Variants in ZDHHC21 observed in about 807,000 individuals in gnomAD.
ZDHHC21 encodes zDHHC palmitoyltransferase 21.
ZDHHC21 carries 15 observed loss-of-function variants against 34.6 expected under a neutral mutation model. That is an observed-to-expected ratio of 0.43 (90% CI 0.29 to 0.67). The LOEUF is 0.67. Ranked by LOEUF, ZDHHC21 falls within the 30% of genes least tolerant of loss-of-function variation. ZDHHC21 has a pLI of 0.14. For missense variants in ZDHHC21, 344 were observed against 327.7 expected, an observed-to-expected ratio of 1.05 and a Z score of -0.38; for synonymous variants, 142 against 101.8, an observed-to-expected ratio of 1.40 and a Z score of -2.38.
At position 14,617,464 on chromosome 9, in the gene ZDHHC21, G is replaced by A. The variant is rs1824426712; in HGVS notation, c.*1502C>T. The A allele has an allele frequency of 6.6e-6, 1 of 151,898 alleles. No homozygotes were observed. Among genetic ancestry groups the A allele is most frequent in the Non-Finnish European group, 1.5e-5 (1 of 67,888 alleles). 9.4% of individuals were successfully genotyped at this position (151,898 alleles called of 1,614,324 possible). A position where few individuals can be genotyped will look rare whatever the true frequency, so the allele number is the denominator to read the frequency against. ...ACAGTATAGCCAACTGGCTGACAAT[G>A]GTAACCTTCTGTTTAATTATTTCCC... is the stretch of plus-strand genomic sequence containing the variant. On this transcript the variant is annotated 3_prime_UTR_variant, in exon 10 of 10. Transcript: ENST00000380916.
rs936494929 is a variant in ZDHHC21 at position 14,617,671 on chromosome 9, C to T, written c.*1295G>A. 1 of 151,790 alleles carries T rather than the reference C, an allele frequency of 6.6e-6. No individual in the cohort carries two copies. Among genetic ancestry groups the T allele is most frequent in the African/African-American group, 2.4e-5 (1 of 41,380 alleles). 9.4% of individuals were successfully genotyped at this position (151,790 alleles called of 1,614,324 possible). ...ACTAAAAGCTGAGTTTTTTTCAAAG[C>T]ATACTAAATGTCTTTTCATACAAAT... On this transcript the variant is annotated 3_prime_UTR_variant, in exon 10 of 10. Coordinates refer to ENST00000380916, the MANE Select transcript of ZDHHC21 (RefSeq NM_178566.6).
intron 8 of ZDHHC21, among the ~76,000 whole-genome samples, chr9:14,627,469 A>C (rs1826474406): frequency 1.3e-5 from 2 of 152,176 alleles, no homozygotes; most frequent in Admixed American, 6.6e-5. Flanking sequence ...TGTGAAACCA[A>C]ATGCAAAAAT....
At chr9:14,602,975 G>A in the ZDHHC21 span, among the ~76,000 whole-genome samples, 2 of 142,996 alleles carry the variant, frequency 1.4e-5, no homozygotes, top group African/African-American at 5.2e-5. Context: ...TCATTCATGC[G>A]AAATTCTGTA....
chr9:14,683,306 G>T (rs1358568915), intron 2 of ZDHHC21, among the ~76,000 whole-genome samples: 1 of 137,274 alleles, frequency 7.3e-6, no homozygotes, highest in Non-Finnish European at 1.7e-5. Flanking sequence ...CCGCTAGCAA[G>T]ACTAATAAAG....
intron 8 of ZDHHC21, among the ~76,000 whole-genome samples, chr9:14,626,981 T>C (rs1263504950): frequency 6.6e-6 from 1 of 151,976 alleles, no homozygotes; most frequent in Non-Finnish European, 1.5e-5. Flanking sequence ...TTTATAGAAG[T>C]ATATGTGAGC....
intron 6 of ZDHHC21, among the ~76,000 whole-genome samples, chr9:14,659,502 T>C (rs1249652977): frequency 1.3e-5 from 2 of 152,178 alleles, no homozygotes; most frequent in East Asian, 1.9e-4. Context: ...AATGTTACAA[T>C]AAAAAATTTT....
intron 2 of ZDHHC21, among the ~76,000 whole-genome samples, chr9:14,688,775 T>C (rs1473400930): frequency 6.6e-6 from 1 of 152,132 alleles, no homozygotes; most frequent in East Asian, 1.9e-4. Flanking sequence ...GACAGGAGAA[T>C]TGCTTGAACC....
At chr9:14,604,280 C>T in the ZDHHC21 span, among the ~76,000 whole-genome samples, 1 of 152,068 alleles carries the variant, frequency 6.6e-6, no homozygotes, top group East Asian at 1.9e-4. Flanking sequence ...AGGAAATAAT[C>T]CACTTAGTGA....
chr9:14,631,617 G>C lies in ZDHHC21; in HGVS notation c.621+8279C>G, dbSNP rs1021368070. On this transcript the variant is annotated intron_variant, in intron 8 of 9. Transcript: ENST00000380916. ...GCTTTTAACATGCCTTTCTCATTAG[G>C]TTTCATCATTTGTAGTTTTTGATTT... Among the ~76,000 whole-genome samples, 4 of 152,234 alleles carry C rather than the reference G, an allele frequency of 2.6e-5. No individual in the cohort carries two copies. In the East Asian group the frequency reaches 7.7e-4, roughly 29 times the overall value.
Position 14,687,976 on chromosome 9 carries a change from T to G in ZDHHC21, c.-176+2361A>C, listed in dbSNP as rs1277365939. Among the ~76,000 whole-genome samples the G allele has an allele frequency of 4.0e-5, 6 of 150,994 alleles. 1 individual carries two copies. The highest frequency in any genetic ancestry group is 1.5e-4 in the African/African-American group (6 of 40,254). ...CTGTAAACGTATTTATAAAACTTTT[T>G]GACTTCTGATATCATTCTACTCTGA... On this transcript the variant is annotated intron_variant, in intron 2 of 9. Coordinates refer to ENST00000380916, the MANE Select transcript of ZDHHC21 (RefSeq NM_178566.6).
intron 5 of ZDHHC21, among the ~76,000 whole-genome samples, chr9:14,669,429 G>A (rs997064552): frequency 6.1e-5 from 9 of 146,470 alleles, no homozygotes; most frequent in African/African-American, 2.0e-4. Flanking sequence ...TTCAACCATT[G>A]TGGAAGTCAG....
At chr9:14,672,543 A>T (rs553068677) in intron 5 of ZDHHC21, among the ~76,000 whole-genome samples, 11 of 152,114 alleles carry the variant, frequency 7.2e-5, no homozygotes, top group Non-Finnish European at 1.5e-4. Context: ...CAGGAAGGAC[A>T]ATCTATGCTC....
chr9:14,682,917 C>A (rs1837628378), intron 2 of ZDHHC21, among the ~76,000 whole-genome samples: 1 of 152,186 alleles, frequency 6.6e-6, no homozygotes, highest in Non-Finnish European at 1.5e-5. Context: ...GGAAACTGAA[C>A]AACCTGCTCC....
Position 14,659,127 on chromosome 9 carries a change from C to G in ZDHHC21, c.366-240G>C, listed in dbSNP as rs550390853. ...GTGATCCCCCTTCAACTCATAACAA[C>G]TCAGCGAGACAGGAAGAGCAGACGG... On this transcript the variant is annotated intron_variant, in intron 6 of 9. Coordinates refer to ENST00000380916, the MANE Select transcript of ZDHHC21 (RefSeq NM_178566.6). Among the ~76,000 whole-genome samples, 14 of 152,220 alleles carry G rather than the reference C, an allele frequency of 9.2e-5. No individual in the cohort carries two copies. The South Asian group carries it at 1.2e-3, about 14-fold the overall frequency.
At chr9:14,648,956 G>C (rs1404945700) in intron 7 of ZDHHC21, among the ~76,000 whole-genome samples, 1 of 147,568 alleles carries the variant, frequency 6.8e-6, no homozygotes, top group Non-Finnish European at 1.5e-5. Flanking sequence ...TTTTCTTTGT[G>C]ATCTTCCTCC....
rs576261412 is a variant in ZDHHC21 at position 14,670,705 on chromosome 9, G to T, written c.253+2125C>A. ...GATATTACATAAGTATCTAAAATGA[G>T]AAATACCTGTAAAAACTCACAGTTT... On this transcript the variant is annotated intron_variant, in intron 5 of 9. Transcript: ENST00000380916. Among the ~76,000 whole-genome samples the T allele has an allele frequency of 2.3e-4, 35 of 152,170 alleles. No homozygotes were observed. The South Asian group carries it at 5.6e-3, about 24-fold the overall frequency.
intron 8 of ZDHHC21, among the ~76,000 whole-genome samples, chr9:14,626,661 G>C (rs564589066): frequency 6.6e-6 from 1 of 151,708 alleles, no homozygotes; most frequent in East Asian, 1.9e-4. Flanking sequence ...TTTTAAAAGA[G>C]TATTTCATGT....
intron 8 of ZDHHC21, among the ~76,000 whole-genome samples, chr9:14,629,646 T>C (rs992569594): frequency 1.3e-5 from 2 of 152,174 alleles, no homozygotes; most frequent in African/African-American, 4.8e-5. Context: ...ATGCTAATGA[T>C]CATTTGAACC....
At chr9:14,592,634 T>C in the ZDHHC21 span, among the ~76,000 whole-genome samples, 1 of 152,176 alleles carries the variant, frequency 6.6e-6, no homozygotes, top group Non-Finnish European at 1.5e-5. Flanking sequence ...AGTGAGGATA[T>C]AAAAGACTTC....
Sources: allele counts gnomAD v4.1 joint callset (sites outside exome capture counted in the v4.1 genomes callset), GRCh38; gene constraint gnomAD v4.1.1; transcripts MANE v1.5; gene names NCBI Gene and HGNC (gene_info 2026-07-23, HGNC 2026-07-21).